WASF3: variants seen among roughly 807,000 people sequenced by gnomAD.
The protein encoded by WASF3 is WASP family member 3.
In WASF3, 11 loss-of-function variants were observed where a neutral mutation model predicts 46.6. The observed-to-expected ratio is 0.24, with a 90% confidence interval of 0.15 to 0.39. The LOEUF is 0.39. Ranked by LOEUF, WASF3 falls within the 10% of genes least tolerant of loss-of-function variation. WASF3 has a pLI of 1.00. For synonymous variants in WASF3, 242 were observed against 259.7 expected (o/e 0.93, Z 0.65); for missense variants, 576 against 669.8 (o/e 0.86, Z 1.55).
At chr13:26,663,719 A>ATT (rs1882695750) in intron 3 of WASF3, among the ~76,000 whole-genome samples, 1 of 152,236 alleles carries the variant, frequency 6.6e-6, no homozygotes, top group South Asian at 2.1e-4. Flanking sequence ...AGGTGTAACC[A>ATT]TTTAAGCAGT....
chr13:26,652,996 T>A (rs1421726343), intron 3 of WASF3, among the ~76,000 whole-genome samples: 1 of 152,244 alleles, frequency 6.6e-6, no homozygotes, highest in African/African-American at 2.4e-5. Context: ...TTCATATCTT[T>A]CCACCTCGCA....
At chr13:26,619,954 G>A (rs763695355) in intron 2 of WASF3, among the ~76,000 whole-genome samples, 37 of 152,126 alleles carry the variant, frequency 2.4e-4, no homozygotes, top group Non-Finnish European at 4.7e-4. Flanking sequence ...AAATGAAGTA[G>A]CCTTGGCTTA....
chr13:26,569,032 A>T (rs1472470698), intron 1 of WASF3, among the ~76,000 whole-genome samples: 2 of 152,098 alleles, frequency 1.3e-5, no homozygotes, highest in Non-Finnish European at 2.9e-5. Flanking sequence ...AGTTGAAAAA[A>T]TTGCTGCCGT....
intron 1 of WASF3, among the ~76,000 whole-genome samples, chr13:26,570,111 C>G (rs1879589031): frequency 6.6e-6 from 1 of 152,060 alleles, no homozygotes; most frequent in Non-Finnish European, 1.5e-5. Context: ...TGTGGTGAAA[C>G]CCCATCTCTA....
chr13:26,589,945 C>G lies in WASF3; in HGVS notation c.-108-23016C>G, dbSNP rs190473015. ...TACGCCAGGGCAGAAGAAGGTTCAC[C>G]TCATGAGCTCAGTGTACAGGAAGGA... On this transcript the variant is annotated intron_variant, in intron 1 of 9. Coordinates refer to ENST00000335327, the MANE Select transcript of WASF3 (RefSeq NM_006646.6). 1.6e-3 allele frequency among the ~76,000 whole-genome samples: 243 copies of G among 152,286 alleles called. 4 individuals carry two copies. The highest frequency in any genetic ancestry group is 4.3e-4 in the Non-Finnish European group (29 of 68,022).
rs61434882 is a variant in WASF3 at position 26,682,490 on chromosome 13, A to G, written c.984-117A>G. ...GCATGTTTGCATCCTGCCATGATTG[A>G]AGTTCAGGTGACAATACGTGTTGTG... is the stretch of plus-strand genomic sequence containing the variant. On this transcript the variant is annotated intron_variant, in intron 8 of 9. Coordinates refer to ENST00000335327, the MANE Select transcript of WASF3 (RefSeq NM_006646.6). The surrounding 1 kb of genome is among the most constrained non-coding windows in gnomAD (Gnocchi z 4.4). 640 of 1,208,476 alleles carry G rather than the reference A, an allele frequency of 5.3e-4. 10 individuals carry two copies. In the East Asian group the frequency reaches 0.012, roughly 23 times the overall value. The allele number at this position is 1,208,476 out of a possible 1,614,324, so 74.9% of individuals were successfully genotyped here.
rs1242111468 is a variant in WASF3, at chr13:26,682,103, G to A, written c.984-504G>A. ...GGTCCAGTTAGTTTGGAAGACCCTCGGCTGAATAGAATTCAGCAGATTTCT... is the reference window on the plus strand; with the variant it reads ...GGTCCAGTTAGTTTGGAAGACCCTCAGCTGAATAGAATTCAGCAGATTTCT... On this transcript the variant is annotated intron_variant, in intron 8 of 9. Coordinates refer to ENST00000335327, the MANE Select transcript of WASF3 (RefSeq NM_006646.6). This position sits in a 1 kb window ranked among gnomAD's most constrained non-coding sequence, Gnocchi z 4.4. Among the ~76,000 whole-genome samples the A allele has an allele frequency of 6.6e-6, 1 of 152,136 alleles. No homozygotes were observed. The highest frequency in any genetic ancestry group is 2.4e-5 in the African/African-American group (1 of 41,420).
At chr13:26,677,178 C>T (rs1426918370) in intron 7 of WASF3, among the ~76,000 whole-genome samples, 1 of 152,032 alleles carries the variant, frequency 6.6e-6, no homozygotes, top group African/African-American at 2.4e-5. Flanking sequence ...AAATGATGAA[C>T]AAAAGAGAGA....
At chr13:26,650,304 C>T (rs1347756970) in intron 3 of WASF3, among the ~76,000 whole-genome samples, 1 of 152,134 alleles carries the variant, frequency 6.6e-6, no homozygotes, top group Non-Finnish European at 1.5e-5. Context: ...CTGTATAACA[C>T]TCCCTTTTCA....
At chr13:26,577,525 A>T (rs1375389397) in intron 1 of WASF3, 1 of 1,309,902 alleles carries the variant, frequency 7.6e-7, no homozygotes, top group African/African-American at 1.4e-5. Flanking sequence ...TCGTTAGAAA[A>T]GTAAAAATGC....
chr13:26,591,376 C>T (rs930383852), intron 1 of WASF3, among the ~76,000 whole-genome samples: 2 of 151,954 alleles, frequency 1.3e-5, no homozygotes, highest in Admixed American at 6.6e-5. Flanking sequence ...AAAGTGGAGA[C>T]CAGCCGGGAG....
rs187161046 is a variant in WASF3, at chr13:26,566,789, T to C, written c.-109+8970T>C. On this transcript the variant is annotated intron_variant, in intron 1 of 9. Coordinates refer to ENST00000335327, the MANE Select transcript of WASF3 (RefSeq NM_006646.6). ...CTTAGCTTACTTTAGGCTGGACACATAGCAGAGCTATACGCCGCAGGAGAA... is the reference window on the plus strand; with the variant it reads ...CTTAGCTTACTTTAGGCTGGACACACAGCAGAGCTATACGCCGCAGGAGAA... Among the ~76,000 whole-genome samples the C allele has an allele frequency of 2.5e-3, 385 of 152,328 alleles. 2 individuals are homozygous for C. The highest frequency in any genetic ancestry group is 8.2e-4 in the Non-Finnish European group (56 of 68,028).
chr13:26,663,866 C>G (rs988405355), intron 3 of WASF3, among the ~76,000 whole-genome samples: 2 of 152,120 alleles, frequency 1.3e-5, no homozygotes, highest in Non-Finnish European at 1.5e-5. Flanking sequence ...GTTAGAAGAC[C>G]ATATTTTTGT....
In WASF3 at chr13:26,618,590, A is replaced by G. The variant is rs73168012; in HGVS notation, c.-11+5532A>G. Among the ~76,000 whole-genome samples the G allele has an allele frequency of 5.6e-3, 843 of 149,930 alleles. 3 individuals are homozygous for G. The highest frequency in any genetic ancestry group is 0.014 in the Middle Eastern group (4 of 290). On this transcript the variant is annotated intron_variant, in intron 2 of 9. Transcript: ENST00000335327. ...AACTTTGTATTTTTCATTCACTGCT[A>G]TGTTTTGGAGGACACTCCATATATA...
At chr13:26,615,194 A>G (rs1191037206) in intron 2 of WASF3, among the ~76,000 whole-genome samples, 1 of 151,888 alleles carries the variant, frequency 6.6e-6, no homozygotes, top group African/African-American at 2.4e-5. Flanking sequence ...CAGTCGACTT[A>G]TTTTTACTTG....
chr13:26,667,308 C>T (rs1429740471), intron 4 of WASF3, among the ~76,000 whole-genome samples: 1 of 151,984 alleles, frequency 6.6e-6, no homozygotes, highest in African/African-American at 2.4e-5. Context: ...AAAAAAAAAG[C>T]CATGATTTGA....
At chr13:26,563,061 T>C (rs949861482) in intron 1 of WASF3, among the ~76,000 whole-genome samples, 1 of 151,700 alleles carries the variant, frequency 6.6e-6, no homozygotes, top group Admixed American at 6.6e-5. Flanking sequence ...CCCTGGACTT[T>C]TCCTAGGTGC....
chr13:26,664,931 C>G, intron 3 of WASF3, 97 bp from the exon 4 acceptor site: 1 of 1,301,432 alleles, frequency 7.7e-7, no homozygotes, highest in Non-Finnish European at 1.1e-6. Flanking sequence ...TGCACAAAAT[C>G]CCACATGTTG....
intron 6 of WASF3, among the ~76,000 whole-genome samples, chr13:26,673,376 C>T (rs1321606508): frequency 6.6e-6 from 1 of 152,182 alleles, no homozygotes; most frequent in Non-Finnish European, 1.5e-5. Context: ...CTTTCATTCA[C>T]TTATATAATG....
Sources: gnomAD v4.1 joint callset for allele counts (sites outside exome capture counted in the v4.1 genomes callset) on GRCh38, gnomAD v4.1.1 for gene constraint, Gnocchi (gnomAD v3.1) non-coding constraint, MANE v1.5 for transcripts, NCBI Gene and HGNC (gene_info 2026-07-23, HGNC 2026-07-21) for gene names.